The following TTC12 variants were observed in gnomAD, a reference collection of about 807,000 sequenced individuals.
TTC12 encodes the protein tetratricopeptide repeat domain 12, also known as tetratricopeptide repeat protein 12.
TTC12 carries 70 observed loss-of-function variants against 90.1 expected under a neutral mutation model. The ratio of observed to expected loss-of-function variants is 0.78; its 90% CI spans 0.64 to 0.95. TTC12 has a LOEUF of 0.95. Ranked by LOEUF, TTC12 falls within the 40% of genes least tolerant of loss-of-function variation. The pLI, the probability that TTC12 is intolerant of heterozygous loss-of-function variation, is 0.00. For synonymous variants in TTC12, 296 were observed against 311.5 expected (o/e 0.95, Z 0.53); for missense variants, 819 against 846.1 (o/e 0.97, Z 0.40).
chr11:113,359,259 T>G, intron 16 of TTC12, 104 bp from the exon 17 acceptor site: 2 of 704,176 alleles, frequency 2.8e-6, no homozygotes, highest in Non-Finnish European at 5.0e-6. Flanking sequence ...ACATTGGCAA[T>G]TTAGGGAGTG....
chr11:113,355,967 C>T (rs1257993183), intron 16 of TTC12, among the ~76,000 whole-genome samples: 3 of 152,160 alleles, frequency 2.0e-5, no homozygotes, highest in Non-Finnish European at 2.9e-5. Flanking sequence ...CCATTTGATC[C>T]AGTGCTAAGT....
intron 15 of TTC12, 23 bp from the exon 16 acceptor site, chr11:113,352,047 G>A (rs1949326225): frequency 1.1e-5 from 18 of 1,611,492 alleles, no homozygotes; most frequent in Non-Finnish European, 1.5e-5. Context: ...CTGAGGCTCT[G>A]CCTTCTCTCA....
chr11:113,356,134 A>G (rs1949620285), intron 16 of TTC12, among the ~76,000 whole-genome samples: 3 of 152,348 alleles, frequency 2.0e-5, no homozygotes, highest in South Asian at 4.1e-4. Context: ...TGTTTGGTGC[A>G]TAAATATTTA....
chr11:113,345,929 C>G (rs1555147993), intron 13 of TTC12, among the ~76,000 whole-genome samples: 1 of 152,136 alleles, frequency 6.6e-6, no homozygotes, highest in Non-Finnish European at 1.5e-5. Flanking sequence ...CCTGCCTACT[C>G]TCTCTAAGAT....
At chr11:113,362,365 A>G in intron 18 of TTC12, 36 bp from the exon 19 acceptor site, 1 of 1,497,988 alleles carries the variant, frequency 6.7e-7, no homozygotes, top group Non-Finnish European at 9.3e-7. Flanking sequence ...CATTTCTGAA[A>G]AGGACATTTA....
At chr11:113,364,627 G>A in intron 20 of TTC12, 1 of 580,284 alleles carries the variant, frequency 1.7e-6, no homozygotes, top group East Asian at 2.9e-5. Flanking sequence ...CTAGGAAGCG[G>A]AGATACTTCA....
chr11:113,352,658 G>T (rs992640004), intron 16 of TTC12, among the ~76,000 whole-genome samples: 2 of 151,914 alleles, frequency 1.3e-5, no homozygotes, highest in Admixed American at 6.6e-5. Flanking sequence ...ATATGACCAC[G>T]TGTTCTCATC....
At chr11:113,359,497 G>A (rs1555153885) in intron 17 of TTC12, 36 bp downstream of exon 17, 1 of 1,418,708 alleles carries the variant, frequency 7.0e-7, no homozygotes, top group African/African-American at 1.4e-5. Context: ...GGAGCCCTGG[G>A]ACAACCTGTA....
intron 2 of TTC12, among the ~76,000 whole-genome samples, chr11:113,317,858 A>G (rs1418909362): frequency 3.9e-5 from 6 of 152,034 alleles, no homozygotes; most frequent in African/African-American, 1.4e-4. Context: ...TATCATGTAT[A>G]CCAGTGCTGT....
At chr11:113,322,312 G>A (rs561711932) in intron 2 of TTC12, among the ~76,000 whole-genome samples, 25 of 152,166 alleles carry the variant, frequency 1.6e-4, no homozygotes, top group African/African-American at 3.1e-4. Context: ...AAAATATTGC[G>A]CAATAGGATT....
At chr11:113,336,849 A>G (rs1227623799) in intron 8 of TTC12, among the ~76,000 whole-genome samples, 6 of 152,190 alleles carry the variant, frequency 3.9e-5, no homozygotes, top group African/African-American at 1.4e-4. Flanking sequence ...AAATTTCTAT[A>G]TGAACTTCAA....
At chr11:113,318,355 C>G (rs1947083812) in intron 2 of TTC12, among the ~76,000 whole-genome samples, 1 of 152,178 alleles carries the variant, frequency 6.6e-6, no homozygotes, top group South Asian at 2.1e-4. Context: ...TCTTAGAGTT[C>G]TGGAGTTTAG....
chr11:113,362,508 A>T lies in TTC12; in HGVS notation c.1716+6A>T, dbSNP rs1555155684. ...AAATGATGAAATTCCTGAAGGTAAG[A>T]TCACTTTATTGGTTACAACCCCTGA... On this transcript the variant is annotated splice_donor_region_variant and intron_variant, in intron 19 of 21. Transcript: ENST00000529221. 6.3e-7 allele frequency: 1 copy of T among 1,583,376 alleles called. No homozygotes were observed. The highest frequency in any genetic ancestry group is 2.2e-5 in the East Asian group (1 of 44,736).
chr11:113,361,656 A>G (rs1477530545), intron 18 of TTC12, among the ~76,000 whole-genome samples: 4 of 152,212 alleles, frequency 2.6e-5, no homozygotes, highest in Non-Finnish European at 5.9e-5. Flanking sequence ...TCTTTCTAGT[A>G]TACGGGGGTG....
intron 6 of TTC12, among the ~76,000 whole-genome samples, chr11:113,329,395 T>A (rs1555141971): frequency 1.3e-5 from 2 of 152,204 alleles, no homozygotes; most frequent in Non-Finnish European, 2.9e-5. Flanking sequence ...TCCCTCTAGA[T>A]CCTTCCCTGC....
Position 113,323,462 on chromosome 11 carries a change from C to A in TTC12, c.222+11C>A. On this transcript the variant is annotated intron_variant, in intron 3 of 21. Transcript: ENST00000529221. ...CAAACTGCTATGAAGGTTTCTTTTT[C>A]TATTGAGAAGTTATATAAGTACTTA... 1 of 1,552,938 alleles carries A rather than the reference C, an allele frequency of 6.4e-7. No individual in the cohort carries two copies. Among genetic ancestry groups the A allele is most frequent in the South Asian group, 1.3e-5 (1 of 78,828 alleles).
chr11:113,325,703 T>G, intron 6 of TTC12, 58 bp downstream of exon 6: 1 of 1,598,506 alleles, frequency 6.3e-7, no homozygotes, highest in Non-Finnish European at 8.5e-7. Context: ...GCCACTAAAC[T>G]TGGGAAAACA....
chr11:113,349,438 G>T (rs1591594793), intron 13 of TTC12, among the ~76,000 whole-genome samples: 1 of 152,174 alleles, frequency 6.6e-6, no homozygotes, highest in East Asian at 1.9e-4. Flanking sequence ...CGTTTGGGCA[G>T]CCTGAGATTT....
intron 10 of TTC12, 193 bp downstream of exon 10, chr11:113,339,667 A>G (rs1414910423): frequency 9.3e-6 from 5 of 535,794 alleles, no homozygotes; most frequent in Non-Finnish European, 1.6e-5. Flanking sequence ...TCTACAGAGC[A>G]TGCGTACACT....
Sources: allele counts gnomAD v4.1 joint callset (sites outside exome capture counted in the v4.1 genomes callset), GRCh38; gene constraint gnomAD v4.1.1; transcripts MANE v1.5; gene names NCBI Gene and HGNC (gene_info 2026-07-23, HGNC 2026-07-21).